Variants in SAMD12 observed in about 807,000 individuals in gnomAD.
SAMD12 encodes the protein sterile alpha motif domain-containing protein 12.
Under a neutral mutation model 15.0 loss-of-function variants are expected in SAMD12, and 9 were observed. The observed-to-expected ratio is 0.60, with a 90% confidence interval of 0.36 to 1.05. The LOEUF (loss-of-function observed/expected upper bound fraction) is 1.05, where lower values mean the gene tolerates loss of function less well. Among genes scored for constraint, SAMD12 ranks in the 50% least tolerant of loss-of-function variants. The pLI, the probability that SAMD12 is intolerant of heterozygous loss-of-function variation, is 0.01. For missense variants in SAMD12, 230 were observed against 234.2 expected (o/e 0.98, Z 0.12); for synonymous variants, 86 against 90.1 (o/e 0.96, Z 0.25).
intron 4 of SAMD12, among the ~76,000 whole-genome samples, chr8:118,371,418 G>A (rs185068147): frequency 6.6e-6 from 1 of 152,122 alleles, no homozygotes; most frequent in East Asian, 1.9e-4. Context: ...TTAACACAGT[G>A]GTTAGGGTAG....
chr8:118,298,905 T>C (rs1005467372), intron 4 of SAMD12, among the ~76,000 whole-genome samples: 1 of 152,230 alleles, frequency 6.6e-6, no homozygotes. Context: ...GTGTATTCTT[T>C]TTAACACTGA....
chr8:118,170,248 T>C, the SAMD12 span, among the ~76,000 whole-genome samples: 2 of 152,160 alleles, frequency 1.3e-5, no homozygotes, highest in African/African-American at 2.4e-5. Flanking sequence ...CATACTTAGT[T>C]TGGCAAAGTT....
At chr8:118,609,941 T>G (rs1828066952) in intron 1 of SAMD12, among the ~76,000 whole-genome samples, 1 of 152,100 alleles carries the variant, frequency 6.6e-6, no homozygotes, top group African/African-American at 2.4e-5. Flanking sequence ...CCGTGACACA[T>G]ATATGACAGG....
At chr8:118,351,028 T>G (rs1817938538) in intron 4 of SAMD12, among the ~76,000 whole-genome samples, 1 of 152,232 alleles carries the variant, frequency 6.6e-6, no homozygotes, top group Middle Eastern at 3.2e-3. Flanking sequence ...AAGTGAAGAA[T>G]GCAAAATCTA....
intron 4 of SAMD12, among the ~76,000 whole-genome samples, chr8:118,267,801 A>G (rs1276813000): frequency 6.6e-6 from 1 of 151,942 alleles, no homozygotes; most frequent in East Asian, 1.9e-4. Flanking sequence ...CTATAAAGAA[A>G]TCCTAAAGGC....
At chr8:118,574,185 C>G (rs1827092690) in intron 2 of SAMD12, among the ~76,000 whole-genome samples, 1 of 152,154 alleles carries the variant, frequency 6.6e-6, no homozygotes, top group Non-Finnish European at 1.5e-5. Flanking sequence ...CCAATAATCT[C>G]CAAAGAGAAT....
intron 4 of SAMD12, among the ~76,000 whole-genome samples, chr8:118,233,523 G>A (rs1245375072): frequency 1.3e-5 from 2 of 152,062 alleles, no homozygotes; most frequent in Non-Finnish European, 2.9e-5. Flanking sequence ...AAGCACTATG[G>A]GCCTCAGTTT....
Position 118,590,581 on chromosome 8 carries a change from G to A in SAMD12, c.14-9688C>T, listed in dbSNP as rs796285077. Among the ~76,000 whole-genome samples, 20 of 152,342 alleles carry A rather than the reference G, an allele frequency of 1.3e-4. 1 individual carries two copies. In the East Asian group the frequency reaches 1.9e-3, roughly 15 times the overall value. ...TTTCAGGTATCAACTGAGATTGAGC[G>A]GGGAACCTGGATTTATAACTCTACC... On this transcript the variant is annotated intron_variant, in intron 1 of 3. Transcript: ENST00000314727.
intron 4 of SAMD12, chr8:118,284,554 G>C (rs1291170911): frequency 3.0e-6 from 1 of 334,120 alleles, no homozygotes; most frequent in East Asian, 8.1e-5. Context: ...ATGGTGATGT[G>C]AAATTCATTA....
chr8:118,399,960 T>C lies in SAMD12; in HGVS notation c.323-20260A>G, dbSNP rs986292055. On this transcript the variant is annotated intron_variant, in intron 3 of 3. Transcript: ENST00000314727. ...ATGAAAGACTTTGAATAGTGGCCTC[T>C]GCAATACATAATTAGTAAGATAAAT... Among the ~76,000 whole-genome samples the C allele has an allele frequency of 5.3e-5, 8 of 152,204 alleles. No individual in the cohort carries two copies. The East Asian group carries it at 1.5e-3, about 29-fold the overall frequency.
chr8:118,554,380 G>C (rs1826453675), intron 2 of SAMD12, among the ~76,000 whole-genome samples: 1 of 152,050 alleles, frequency 6.6e-6, no homozygotes, highest in African/African-American at 2.4e-5. Flanking sequence ...CATGTCCTTT[G>C]TAGGGACATG....
At chr8:118,605,942 T>C (rs553733100) in intron 1 of SAMD12, among the ~76,000 whole-genome samples, 30 of 152,016 alleles carry the variant, frequency 2.0e-4, no homozygotes, top group African/African-American at 6.5e-4. Context: ...ACTGGTACTG[T>C]TAGTTTCTTA....
intron 4 of SAMD12, among the ~76,000 whole-genome samples, chr8:118,276,915 C>T (rs1219371684): frequency 6.6e-6 from 1 of 152,112 alleles, no homozygotes; most frequent in Non-Finnish European, 1.5e-5. Flanking sequence ...TCAGGTGATC[C>T]ACCCACCTCG....
intron 4 of SAMD12, among the ~76,000 whole-genome samples, chr8:118,297,494 A>G (rs546348197): frequency 6.6e-6 from 1 of 152,358 alleles, no homozygotes; most frequent in African/African-American, 2.4e-5. Context: ...GGATAAACAT[A>G]CTTTGGTATG....
rs1827283610 is a variant in SAMD12, at chr8:118,580,993, C to T, written c.14-100G>A. On this transcript the variant is annotated intron_variant, in intron 1 of 3. Coordinates refer to ENST00000314727, the MANE Select transcript of SAMD12 (RefSeq NM_207506.3). ...AAGCCTAAGTAGGAAAAAAACGAGGCATCTATGAGTCGAGAGGTGGTGTGA... is the reference window on the plus strand; with the variant it reads ...AAGCCTAAGTAGGAAAAAAACGAGGTATCTATGAGTCGAGAGGTGGTGTGA... The T allele has an allele frequency of 9.4e-6, 8 of 852,024 alleles. No individual in the cohort carries two copies. The Admixed American group carries it at 1.4e-4, about 15-fold the overall frequency. 52.8% of individuals were successfully genotyped at this position (852,024 alleles called of 1,614,324 possible).
chr8:118,594,898 C>T (rs1407336257), intron 1 of SAMD12, among the ~76,000 whole-genome samples: 3 of 152,128 alleles, frequency 2.0e-5, no homozygotes, highest in Non-Finnish European at 4.4e-5. Context: ...CAACATATAC[C>T]TGTATTCCTT....
intron 2 of SAMD12, among the ~76,000 whole-genome samples, chr8:118,447,359 A>G (rs983582959): frequency 2.6e-5 from 4 of 151,192 alleles, no homozygotes; most frequent in Admixed American, 2.6e-4. Context: ...CTGGAGTGCA[A>G]TGGCGCGATT....
chr8:118,318,516 A>G (rs187066878), intron 4 of SAMD12, among the ~76,000 whole-genome samples: 8 of 151,774 alleles, frequency 5.3e-5, no homozygotes, highest in East Asian at 3.9e-4. Context: ...GAGCTAAGCT[A>G]TGAATACACA....
intron 2 of SAMD12, among the ~76,000 whole-genome samples, chr8:118,540,949 G>T (rs778736842): frequency 6.3e-4 from 96 of 152,154 alleles, no homozygotes; most frequent in Non-Finnish European, 1.3e-4. Context: ...GGTAAATCAG[G>T]ATCCTTTTTC....
Sources: gnomAD v4.1 joint callset for allele counts (sites outside exome capture counted in the v4.1 genomes callset) on GRCh38, gnomAD v4.1.1 for gene constraint, MANE v1.5 for transcripts, NCBI Gene and HGNC (gene_info 2026-07-23, HGNC 2026-07-21) for gene names.